NCKAP1: variants seen among roughly 807,000 people sequenced by gnomAD.
NCKAP1 encodes NCK associated protein 1.
Under a neutral mutation model 151.2 loss-of-function variants are expected in NCKAP1, and 21 were observed. The observed-to-expected ratio is 0.14, with a 90% CI of 0.10 to 0.20. The LOEUF (loss-of-function observed/expected upper bound fraction) is 0.20, where lower values mean the gene tolerates loss of function less well. Ranked by LOEUF, NCKAP1 falls within the 10% of genes least tolerant of loss-of-function variation. NCKAP1 has a pLI of 1.00. For missense variants in NCKAP1, 933 were observed against 1,352.1 expected (o/e 0.69, Z 4.86); for synonymous variants, 484 against 451.8 (o/e 1.07, Z -0.90).
chr2:182,933,158 T>G (rs1422571765), intron 26 of NCKAP1, among the ~76,000 whole-genome samples: 2 of 152,104 alleles, frequency 1.3e-5, no homozygotes, highest in Non-Finnish European at 2.9e-5. Context: ...AAATGGCAAT[T>G]GAATCAAGCC....
chr2:182,928,970 T>A, intron 27 of NCKAP1, 71 bp from the exon 28 acceptor site: 1 of 951,078 alleles, frequency 1.1e-6, no homozygotes, highest in Non-Finnish European at 1.6e-6. Flanking sequence ...TAATCTAAAC[T>A]AAACAGATTT....
At chr2:183,037,329 T>C (rs1699122300) in intron 1 of NCKAP1, among the ~76,000 whole-genome samples, 6 of 152,228 alleles carry the variant, frequency 3.9e-5, no homozygotes, top group Admixed American at 2.6e-4. Flanking sequence ...AAGGTTGTTA[T>C]TCCAGTTCTA....
chr2:182,995,638 C>CTA, intron 7 of NCKAP1, 63 bp downstream of exon 7: 1 of 1,482,810 alleles, frequency 6.7e-7, no homozygotes, highest in Non-Finnish European at 9.3e-7. Context: ...AACAGCATTA[C>CTA]TGAACTATTA....
intron 15 of NCKAP1, among the ~76,000 whole-genome samples, chr2:182,973,144 T>C (rs749272332): frequency 6.6e-6 from 1 of 152,132 alleles, no homozygotes; most frequent in Non-Finnish European, 1.5e-5. Context: ...ATATCACATG[T>C]ACCCCCATAA....
intron 1 of NCKAP1, among the ~76,000 whole-genome samples, chr2:183,027,625 T>G (rs1698922721): frequency 6.6e-6 from 1 of 151,986 alleles, no homozygotes; most frequent in Non-Finnish European, 1.5e-5. Context: ...GAGGCTCAGG[T>G]GGGAGGATCA....
intron 2 of NCKAP1, among the ~76,000 whole-genome samples, chr2:183,017,278 T>C (rs1698710623): frequency 1.3e-5 from 2 of 152,110 alleles, no homozygotes; most frequent in Admixed American, 1.3e-4. Context: ...ACTTTATTTC[T>C]ATTATTACAT....
Position 182,964,656 on chromosome 2 carries a change from C to T in NCKAP1, c.1761+20G>A, listed in dbSNP as rs775332627. On this transcript the variant is annotated intron_variant, in intron 17 of 30. Transcript: ENST00000361354. ...TTTACTTTGCATACCATATAACTCA[C>T]AGTAGTACACTATAATTACCTCTTC... 1.3e-6 allele frequency: 2 copies of T among 1,565,612 alleles called. No individual in the cohort carries two copies. Among genetic ancestry groups the T allele is most frequent in the Non-Finnish European group, 1.7e-6 (2 of 1,157,250 alleles).
At chr2:183,019,592 A>T (rs1698758225) in intron 2 of NCKAP1, among the ~76,000 whole-genome samples, 1 of 152,094 alleles carries the variant, frequency 6.6e-6, no homozygotes, top group South Asian at 2.1e-4. Context: ...TAATGAAAGC[A>T]TTTATATTAC....
rs1559066396 is a variant in NCKAP1, at chr2:182,920,980, GCA to G, written c.*4720_*4721del. The G allele has an allele frequency of 2.0e-5, 3 of 152,148 alleles. No individual in the cohort carries two copies. The highest frequency in any genetic ancestry group is 6.5e-5 in the Admixed American group (1 of 15,284). The allele number at this position is 152,148 out of a possible 1,614,324, so 9.4% of individuals were successfully genotyped here. ...CATTCAGGACGCATCACTGAGTAGT[GCA>G]CAGTTTTAGTCTGTGAGCACGCTTC... is the stretch of plus-strand genomic sequence containing the variant. On this transcript the variant is annotated 3_prime_UTR_variant, in exon 31 of 31. Transcript: ENST00000361354.
intron 23 of NCKAP1, among the ~76,000 whole-genome samples, chr2:182,944,469 A>AATGGACTCAACGCGCACAACCCCAAAT (rs1452053191): frequency 6.6e-6 from 1 of 152,158 alleles, no homozygotes; most frequent in Non-Finnish European, 1.5e-5. Context: ...TGGAAGGAGA[A>AATGGACTCAACGCGCACAACCCCAAAT]ATGGACTCAA....
At chr2:182,952,264 C>T in intron 23 of NCKAP1, 141 bp downstream of exon 23, 1 of 548,466 alleles carries the variant, frequency 1.8e-6, no homozygotes, top group Non-Finnish European at 3.1e-6. Context: ...AAAGGCCTTG[C>T]TAGCTATTTA....
At chr2:183,023,131 C>G (rs988427776) in intron 2 of NCKAP1, among the ~76,000 whole-genome samples, 1 of 152,028 alleles carries the variant, frequency 6.6e-6, no homozygotes, top group Non-Finnish European at 1.5e-5. Context: ...CAGAAAGATT[C>G]TGAGTCAAAA....
intron 11 of NCKAP1, 98 bp from the exon 12 acceptor site, chr2:182,983,025 T>C: frequency 1.1e-6 from 1 of 902,882 alleles, no homozygotes; most frequent in Middle Eastern, 3.4e-4. Flanking sequence ...GAAGTGATAA[T>C]ATCAATTCAA....
chr2:182,986,275 T>C (rs752912476), intron 9 of NCKAP1, 48 bp from the exon 10 acceptor site: 3 of 1,437,172 alleles, frequency 2.1e-6, no homozygotes, highest in Non-Finnish European at 2.0e-6. Context: ...GATCAATAAC[T>C]GTCAAAATGA....
chr2:182,911,076 C>A lies in NCKAP1; in HGVS notation c.*14626G>T, dbSNP rs1696386308. 6.6e-6 allele frequency: 1 copy of A among 152,010 alleles called. No homozygotes were observed. The highest frequency in any genetic ancestry group is 1.5e-5 in the Non-Finnish European group (1 of 68,000). The allele number at this position is 152,010 out of a possible 1,614,324, so 9.4% of individuals were successfully genotyped here. A position where few individuals can be genotyped will look rare whatever the true frequency, so the allele number is the denominator to read the frequency against. Reference sequence around the variant, plus strand: ...CACATCTCATTATACCCCCTCCTCACTAACTACCATTAGGTGTTCTTTCCT... The same window carrying A: ...CACATCTCATTATACCCCCTCCTCAATAACTACCATTAGGTGTTCTTTCCT... On this transcript the variant is annotated 3_prime_UTR_variant, in exon 31 of 31. Transcript: ENST00000361354.
chr2:183,024,197 A>G (rs1698846572), intron 1 of NCKAP1, among the ~76,000 whole-genome samples: 1 of 152,134 alleles, frequency 6.6e-6, no homozygotes, highest in Admixed American at 6.6e-5. Context: ...AAAAGAAAAA[A>G]AATTCTTGGT....
chr2:182,921,136 C>G lies in NCKAP1; in HGVS notation c.*4566G>C, dbSNP rs1696544907. ...GCAACCTCGTAAGTTGCTTCCTGTT[C>G]TATAATTTAAAATAACTATCTTAAA... On this transcript the variant is annotated 3_prime_UTR_variant, in exon 31 of 31. Coordinates refer to ENST00000361354, the MANE Select transcript of NCKAP1 (RefSeq NM_013436.5). 1 of 150,606 alleles carries G rather than the reference C, an allele frequency of 6.6e-6. No homozygotes were observed. The highest frequency in any genetic ancestry group is 6.6e-5 in the Admixed American group (1 of 15,242). 9.3% of individuals were successfully genotyped at this position (150,606 alleles called of 1,614,324 possible).
In NCKAP1 at chr2:182,914,612, T is replaced by C. The variant is rs1157297004; in HGVS notation, c.*11090A>G. 1 of 152,198 alleles carries C rather than the reference T, an allele frequency of 6.6e-6. No individual in the cohort carries two copies. The highest frequency in any genetic ancestry group is 2.4e-5 in the African/African-American group (1 of 41,448). 9.4% of individuals were successfully genotyped at this position (152,198 alleles called of 1,614,324 possible). On this transcript the variant is annotated 3_prime_UTR_variant, in exon 31 of 31. Coordinates refer to ENST00000361354, the MANE Select transcript of NCKAP1 (RefSeq NM_013436.5). ...TTTTAGAAGTGCCACAATAGCATAT[T>C]CTCTCCTTTTCTGGTTCCCTTTAAA...
At chr2:182,927,581 A>T (rs1415874862) in intron 29 of NCKAP1, among the ~76,000 whole-genome samples, 5 of 152,054 alleles carry the variant, frequency 3.3e-5, no homozygotes, top group South Asian at 4.1e-4. Flanking sequence ...AGAGAAACTA[A>T]AAACCATGTT....
Sources: allele counts gnomAD v4.1 joint callset (sites outside exome capture counted in the v4.1 genomes callset), GRCh38; gene constraint gnomAD v4.1.1; transcripts MANE v1.5; gene names NCBI Gene and HGNC (gene_info 2026-07-23, HGNC 2026-07-21).